Variants in TMEM184B observed in about 807,000 individuals in gnomAD.
The protein encoded by TMEM184B is transmembrane protein 184B.
TMEM184B carries 17 observed loss-of-function variants against 41.8 expected under a neutral mutation model. The ratio of observed to expected loss-of-function variants is 0.41; its 90% CI spans 0.28 to 0.61. The LOEUF (loss-of-function observed/expected upper bound fraction) is 0.61, where lower values mean the gene tolerates loss of function less well. TMEM184B is among the 20% of genes least tolerant of loss of function. The pLI is 0.34. For synonymous variants in TMEM184B, 240 were observed against 229.5 expected, an observed-to-expected ratio of 1.05 and a Z score of -0.41; for missense variants, 393 against 557.8, an observed-to-expected ratio of 0.70 and a Z score of 2.98.
At chr22:38,237,688 C>A (rs1487495449) in intron 3 of TMEM184B, among the ~76,000 whole-genome samples, 1 of 152,212 alleles carries the variant, frequency 6.6e-6, no homozygotes, top group Non-Finnish European at 1.5e-5. Flanking sequence ...GGGTGATCAT[C>A]CTGGACAAGA....
At position 38,235,445 on chromosome 22, in the gene TMEM184B, G is replaced by A. The variant is rs549606112; in HGVS notation, c.359-4111C>T. Among the ~76,000 whole-genome samples the A allele has an allele frequency of 2.0e-5, 3 of 152,300 alleles. No homozygotes were observed. In the South Asian group the frequency reaches 6.2e-4, roughly 32 times the overall value. On this transcript the variant is annotated intron_variant, in intron 3 of 8. Transcript: ENST00000361906. The stretch of plus-strand genomic sequence containing the variant: ...CAGTCAGCACACTTTTGAATTACGT[G>A]GCCGAGGTCCCTCCGTAACCGGCTC...
intron 3 of TMEM184B, among the ~76,000 whole-genome samples, chr22:38,241,524 CA>C (rs35419850): frequency 0.38 from 33,922 of 88,812 alleles, 4,084 homozygotes; most frequent in African/African-American, 0.44. Flanking sequence ...CTCATCTCTA[CA>C]AAAAAAAAAA....
rs1383170484 is a variant in TMEM184B, at chr22:38,219,577, G to A, written c.*1892C>T. 3.0e-6 allele frequency: 3 copies of A among 985,254 alleles called. No individual in the cohort carries two copies. The highest frequency in any genetic ancestry group is 3.6e-6 in the Non-Finnish European group (3 of 829,892). The allele number at this position is 985,254 out of a possible 1,614,324, so 61.0% of individuals were successfully genotyped here. On this transcript the variant is annotated 3_prime_UTR_variant, in exon 9 of 9. Transcript: ENST00000361906. ...TTATGCATCCTAAGGAGGAGGAGGGGATGGAGCGGTCGGGCACATGTTCCC... is the reference window on the plus strand; with the variant it reads ...TTATGCATCCTAAGGAGGAGGAGGGAATGGAGCGGTCGGGCACATGTTCCC...
intron 3 of TMEM184B, among the ~76,000 whole-genome samples, chr22:38,237,529 T>C (rs2091805930): frequency 6.6e-6 from 1 of 152,216 alleles, no homozygotes; most frequent in African/African-American, 2.4e-5. Flanking sequence ...AGAGAAACAC[T>C]CTGGTTACTT....
chr22:38,225,678 G>T lies in TMEM184B; in HGVS notation c.618-85C>A. The T allele has an allele frequency of 7.1e-7, 1 of 1,413,542 alleles. No individual in the cohort carries two copies. The highest frequency in any genetic ancestry group is 9.4e-7 in the Non-Finnish European group (1 of 1,069,384). The allele number at this position is 1,413,542 out of a possible 1,614,324, so 87.6% of individuals were successfully genotyped here. On this transcript the variant is annotated intron_variant, in intron 6 of 8. Transcript: ENST00000361906. This position sits in a 1 kb window ranked among gnomAD's most constrained non-coding sequence, Gnocchi z 4.4. The stretch of plus-strand genomic sequence containing the variant: ...CGACTGCACCACACACAGTCCCCAT[G>T]GCTCTCAGCCCCACACCTCCAGCAG...
chr22:38,243,490 T>C (rs1393694934), intron 3 of TMEM184B, among the ~76,000 whole-genome samples: 1 of 152,118 alleles, frequency 6.6e-6, no homozygotes, highest in East Asian at 1.9e-4. Flanking sequence ...TGCCCCTGGG[T>C]ACCCATGCGA....
downstream of TMEM184B, among the ~76,000 whole-genome samples, chr22:38,218,337 A>C (rs763576688): frequency 2.0e-5 from 3 of 152,136 alleles, no homozygotes; most frequent in Non-Finnish European, 4.4e-5. Context: ...GTCTGTTCTT[A>C]GCTGTGGGAT....
chr22:38,244,223 G>C (rs1384967363), intron 3 of TMEM184B, among the ~76,000 whole-genome samples: 6 of 152,132 alleles, frequency 3.9e-5, no homozygotes. Context: ...GAGAGGAAGA[G>C]AGACTCCAGC....
chr22:38,245,441 C>G (rs2092003301), intron 3 of TMEM184B, among the ~76,000 whole-genome samples: 1 of 147,490 alleles, frequency 6.8e-6, no homozygotes, highest in African/African-American at 2.5e-5. Flanking sequence ...CTTCCAGGTA[C>G]CTGCCTGAGA....
chr22:38,256,121 C>A (rs898175832), intron 1 of TMEM184B, among the ~76,000 whole-genome samples: 5 of 151,978 alleles, frequency 3.3e-5, no homozygotes, highest in African/African-American at 1.2e-4. Context: ...GAGTCCAAGG[C>A]GGGTGGATCA....
Position 38,225,680 on chromosome 22 carries a change from C to T in TMEM184B, c.618-87G>A. On this transcript the variant is annotated intron_variant, in intron 6 of 8. Coordinates refer to ENST00000361906, the MANE Select transcript of TMEM184B (RefSeq NM_012264.5). This position sits in a 1 kb window ranked among gnomAD's most constrained non-coding sequence, Gnocchi z 4.4. ...ACTGCACCACACACAGTCCCCATGG[C>T]TCTCAGCCCCACACCTCCAGCAGAG... 7.2e-7 allele frequency: 1 copy of T among 1,395,916 alleles called. No homozygotes were observed. Among genetic ancestry groups the T allele is most frequent in the Middle Eastern group, 1.9e-4 (1 of 5,380 alleles). 86.5% of individuals were successfully genotyped at this position (1,395,916 alleles called of 1,614,324 possible). A position where few individuals can be genotyped will look rare whatever the true frequency, so the allele number is the denominator to read the frequency against.
At position 38,239,234 on chromosome 22, in the gene TMEM184B, C is replaced by T. The variant is rs948458500; in HGVS notation, c.358+6701G>A. Among the ~76,000 whole-genome samples, 3 of 152,202 alleles carry T rather than the reference C, an allele frequency of 2.0e-5. No homozygotes were observed. The highest frequency in any genetic ancestry group is 7.2e-5 in the African/African-American group (3 of 41,428). ...CCAGCACTATGAATTCCAGCCCTCG[C>T]AGATGGTACGTGGCACTAAGCCCTC... On this transcript the variant is annotated intron_variant, in intron 3 of 8. Coordinates refer to ENST00000361906, the MANE Select transcript of TMEM184B (RefSeq NM_012264.5). This position sits in a 1 kb window ranked among gnomAD's most constrained non-coding sequence, Gnocchi z 4.6.
chr22:38,264,672 G>C (rs2092419281), intron 1 of TMEM184B, among the ~76,000 whole-genome samples: 1 of 152,174 alleles, frequency 6.6e-6, no homozygotes, highest in Admixed American at 6.5e-5. Context: ...CGGGTCTCTG[G>C]AAGGCACACC....
downstream of TMEM184B, among the ~76,000 whole-genome samples, chr22:38,218,545 G>A (rs779623252): frequency 6.1e-4 from 93 of 152,194 alleles, no homozygotes; most frequent in Admixed American, 2.0e-3. Flanking sequence ...TATGGGGCCC[G>A]CGGGGTAAGG....
intron 3 of TMEM184B, among the ~76,000 whole-genome samples, chr22:38,237,088 C>T (rs756914190): frequency 7.2e-5 from 11 of 152,104 alleles, no homozygotes; most frequent in Non-Finnish European, 1.3e-4. Flanking sequence ...AGAGACTGCT[C>T]CCCACCCAGC....
chr22:38,272,781 C>T, intron 1 of TMEM184B, 103 bp downstream of exon 1: 2 of 985,228 alleles, frequency 2.0e-6, no homozygotes, highest in Non-Finnish European at 2.4e-6. Context: ...CGGCCGAAGC[C>T]GGGCGTCCCT....
At chr22:38,246,703 A>G (rs1164095292) in intron 2 of TMEM184B, 3 of 906,872 alleles carry the variant, frequency 3.3e-6, no homozygotes, top group African/African-American at 1.8e-5. Context: ...TGCTCTGTTT[A>G]GTTAGGCAGC....
At chr22:38,241,883 CAAAAAAA>C (rs34060428) in intron 3 of TMEM184B, among the ~76,000 whole-genome samples, 4 of 32,616 alleles carry the variant, frequency 1.2e-4, no homozygotes, top group African/African-American at 3.7e-4. Flanking sequence ...GACTCCGTCT[CAAAAAAA>C]AAAAAAAAAA....
In TMEM184B at chr22:38,224,794, C is replaced by T; in HGVS notation, c.973G>A (p.Asp325Asn). The change falls in exon 8 of 9, where the codon GAC becomes AAC. Residue 325 changes from aspartate (D) to asparagine (N), a missense_variant. This residue lies in a region of TMEM184B where 271 missense variants were observed against 434.1 expected (regional missense o/e 0.62). Transcript: ENST00000361906. ...TYKVYADKRLDAQGRCAPMKS... is the reference protein window; with the variant it reads ...TYKVYADKRLNAQGRCAPMKS... ...GGACCCTGGCTCATACCTTGTGCGTCCAGCCTCTTGTCAGCATAGACCTTG... is the reference window on the plus strand; with the variant it reads ...GGACCCTGGCTCATACCTTGTGCGTTCAGCCTCTTGTCAGCATAGACCTTG... The T allele has an allele frequency of 6.3e-7, 1 of 1,599,802 alleles. No homozygotes were observed. The highest frequency in any genetic ancestry group is 8.5e-7 in the Non-Finnish European group (1 of 1,170,228).
Sources: gnomAD v4.1 joint callset for allele counts (sites outside exome capture counted in the v4.1 genomes callset) on GRCh38, gnomAD v4.1.1 for gene constraint, gnomAD v4.1.1 regional missense constraint, Gnocchi (gnomAD v3.1) non-coding constraint, MANE v1.5 for transcripts, NCBI Gene and HGNC (gene_info 2026-07-23, HGNC 2026-07-21) for gene names.